Variants in IL1RAP observed in about 807,000 individuals in gnomAD.
IL1RAP encodes interleukin 1 receptor accessory protein, also known as interleukin-1 receptor accessory protein.
A neutral mutation model predicts 60.7 loss-of-function variants in IL1RAP; 35 were observed. The ratio of observed to expected loss-of-function variants is 0.58; its 90% CI spans 0.44 to 0.76. The LOEUF (loss-of-function observed/expected upper bound fraction) is 0.76, where lower values mean the gene tolerates loss of function less well. Ranked by LOEUF, IL1RAP falls within the 30% of genes least tolerant of loss-of-function variation. IL1RAP has a pLI of 0.00. For synonymous variants in IL1RAP, 268 were observed against 250.9 expected (o/e 1.07, Z -0.64); for missense variants, 572 against 693.9 (o/e 0.82, Z 1.97).
chr3:190,579,923 T>G (rs1305333632), intron 3 of IL1RAP, among the ~76,000 whole-genome samples: 1 of 152,234 alleles, frequency 6.6e-6, no homozygotes, highest in African/African-American at 2.4e-5. Context: ...ACATCATTTT[T>G]TAGTGATGAA....
chr3:190,655,032 G>GCA (rs143546353), downstream of IL1RAP, among the ~76,000 whole-genome samples: 551 of 151,540 alleles, frequency 3.6e-3, 3 homozygotes, highest in African/African-American at 0.013. Flanking sequence ...ACACACAGAC[G>GCA]CACACACACA....
intron 1 of IL1RAP, among the ~76,000 whole-genome samples, chr3:190,541,579 G>C (rs112637637): frequency 1.6e-4 from 25 of 152,206 alleles, no homozygotes; most frequent in African/African-American, 6.0e-4. Flanking sequence ...CTCCAAGTTG[G>C]AATCTGATTT....
chr3:190,629,583 A>G, intron 9 of IL1RAP, 85 bp downstream of exon 9: 1 of 1,503,028 alleles, frequency 6.7e-7, no homozygotes, highest in Non-Finnish European at 8.9e-7. Flanking sequence ...TGAGAACAAG[A>G]GAGCTCCAGC....
intron 1 of IL1RAP, among the ~76,000 whole-genome samples, chr3:190,534,913 T>TAAAA (rs77663032): frequency 2.0e-3 from 251 of 127,440 alleles, no homozygotes; most frequent in African/African-American, 7.2e-3. Context: ...GTAAGAGAAT[T>TAAAA]AAAAAAAAAA....
intron 5 of IL1RAP, among the ~76,000 whole-genome samples, chr3:190,614,381 G>A (rs188009834): frequency 3.2e-4 from 48 of 151,860 alleles, no homozygotes; most frequent in African/African-American, 1.1e-3. Flanking sequence ...GTAATCACAC[G>A]GCAGCGTGCT....
At chr3:190,549,157 G>A (rs917099063) in intron 1 of IL1RAP, among the ~76,000 whole-genome samples, 5 of 152,056 alleles carry the variant, frequency 3.3e-5, no homozygotes, top group African/African-American at 1.2e-4. Flanking sequence ...GAGGCTTCCC[G>A]CCTCACAGAT....
In IL1RAP at chr3:190,552,139, A is replaced by C. The variant is rs180908374; in HGVS notation, c.-88-3991A>C. Among the ~76,000 whole-genome samples the C allele has an allele frequency of 1.2e-3, 190 of 152,346 alleles. 5 individuals are homozygous for C. Among genetic ancestry groups the C allele is most frequent in the Admixed American group, 0.012 (189 of 15,304 alleles). ...AAGTTTGATTTTGGGAAGCCTGATA[A>C]GTATGTAAGAAGTTTAAAACATTTG... On this transcript the variant is annotated intron_variant, in intron 1 of 11. Coordinates refer to ENST00000447382, the MANE Select transcript of IL1RAP (RefSeq NM_002182.4).
chr3:190,573,324 C>CTGT (rs111393057), intron 3 of IL1RAP, among the ~76,000 whole-genome samples: 18,598 of 152,150 alleles, frequency 0.12, 1,517 homozygotes, highest in Middle Eastern at 0.23. Flanking sequence ...AAACAATCTG[C>CTGT]TGTTTGCAAT....
intron 2 of IL1RAP, among the ~76,000 whole-genome samples, chr3:190,558,348 T>A (rs773201850): frequency 6.6e-6 from 1 of 152,218 alleles, no homozygotes; most frequent in Non-Finnish European, 1.5e-5. Flanking sequence ...TGTTTAACTT[T>A]ATTAAGAAAC....
intron 3 of IL1RAP, among the ~76,000 whole-genome samples, chr3:190,598,760 G>T (rs566694340): frequency 6.6e-6 from 1 of 151,828 alleles, no homozygotes; most frequent in African/African-American, 2.4e-5. Context: ...TCAACCCAAG[G>T]CATTATCTTT....
chr3:190,540,900 T>A (rs577413632), intron 1 of IL1RAP, among the ~76,000 whole-genome samples: 2 of 152,270 alleles, frequency 1.3e-5, no homozygotes, highest in Non-Finnish European at 1.5e-5. Context: ...ATACGTGTTT[T>A]CAAGATAAAC....
At chr3:190,526,226 G>A (rs868744504) in intron 1 of IL1RAP, among the ~76,000 whole-genome samples, 9 of 152,160 alleles carry the variant, frequency 5.9e-5, no homozygotes, top group Admixed American at 3.3e-4. Flanking sequence ...CGGAATAACC[G>A]TATGTGGCAG....
exon 12 of IL1RAP, chr3:190,657,328 C>G (rs577498580): frequency 1.3e-5 from 2 of 152,180 alleles, no homozygotes; most frequent in South Asian, 4.1e-4. Flanking sequence ...AACTAAGATG[C>G]CTTTTTTGTT....
chr3:190,640,163 A>G (rs1371180392), intron 9 of IL1RAP, among the ~76,000 whole-genome samples: 2 of 152,174 alleles, frequency 1.3e-5, no homozygotes, highest in Non-Finnish European at 2.9e-5. Context: ...GCTCAGTGTG[A>G]CCACTTTCTC....
intron 3 of IL1RAP, among the ~76,000 whole-genome samples, chr3:190,585,482 C>A (rs1370049617): frequency 1.3e-5 from 2 of 152,144 alleles, no homozygotes; most frequent in African/African-American, 4.8e-5. Flanking sequence ...TACTGCCCAG[C>A]CTATCTTTTG....
intron 1 of IL1RAP, chr3:190,554,673 A>G (rs1367881407): frequency 2.6e-5 from 4 of 151,432 alleles, no homozygotes; most frequent in Non-Finnish European, 4.4e-5. Context: ...GATAATTTTC[A>G]TCTCGGATTT....
At chr3:190,576,688 C>A (rs1727482297) in intron 3 of IL1RAP, among the ~76,000 whole-genome samples, 2 of 152,094 alleles carry the variant, frequency 1.3e-5, no homozygotes, top group South Asian at 4.1e-4. Context: ...GTGGAGGGGA[C>A]CTGGGCTATT....
At chr3:190,516,011 C>T (rs1426445701) in intron 1 of IL1RAP, among the ~76,000 whole-genome samples, 1 of 152,156 alleles carries the variant, frequency 6.6e-6, no homozygotes, top group Non-Finnish European at 1.5e-5. Context: ...TAACCCTTCT[C>T]ATGACAATTG....
intron 1 of IL1RAP, among the ~76,000 whole-genome samples, chr3:190,553,396 T>C (rs1454927824): frequency 6.6e-6 from 1 of 152,172 alleles, no homozygotes; most frequent in African/African-American, 2.4e-5. Flanking sequence ...ACCACCACGC[T>C]TAAAAGTCAA....
Sources: gnomAD v4.1 joint callset for allele counts (sites outside exome capture counted in the v4.1 genomes callset) on GRCh38, gnomAD v4.1.1 for gene constraint, MANE v1.5 for transcripts, NCBI Gene and HGNC (gene_info 2026-07-23, HGNC 2026-07-21) for gene names.